The following SETD5 variants were observed in gnomAD, a reference collection of about 807,000 sequenced individuals.
The protein encoded by SETD5 is histone-lysine N-methyltransferase SETD5.
Under a neutral mutation model 153.3 loss-of-function variants are expected in SETD5, and 44 were observed. That is an observed-to-expected ratio of 0.29 (90% CI 0.23 to 0.37). SETD5 has a LOEUF of 0.37. Among genes scored for constraint, SETD5 ranks in the 10% least tolerant of loss-of-function variants. SETD5 has a pLI of 1.00. For synonymous variants in SETD5, 716 were observed against 645.2 expected (o/e 1.11, Z -1.66); for missense variants, 1,544 against 1,768.0 (o/e 0.87, Z 2.27).
intron 13 of SETD5, 144 bp from the exon 14 acceptor site, chr3:9,446,906 A>G: frequency 3.3e-6 from 2 of 606,368 alleles, no homozygotes; most frequent in South Asian, 4.9e-5. Flanking sequence ...TTTTATTTTT[A>G]ATCTTCTGTT....
At chr3:9,420,748 A>G (rs1382064341) in intron 1 of SETD5, among the ~76,000 whole-genome samples, 2 of 152,108 alleles carry the variant, frequency 1.3e-5, no homozygotes, top group African/African-American at 4.8e-5. Flanking sequence ...TTTTCACTGT[A>G]TCTCCAAGTG....
At chr3:9,444,047 G>A (rs151077467) in intron 11 of SETD5, among the ~76,000 whole-genome samples, 139 of 152,166 alleles carry the variant, frequency 9.1e-4, no homozygotes, top group African/African-American at 3.2e-3. Context: ...GGCAACAGAG[G>A]GAGACTCTGT....
In SETD5 at chr3:9,445,711, G is replaced by T. The variant is rs777715927; in HGVS notation, c.1495G>T (p.Asp499Tyr). ...PEEEKEEVID[D>Y]QENLAHSRRT... ...AGAAGAGAAAGAAGAGGTTATAGAT[G>T]ACCAGGAGAACCTAGCTCATAGCAG... Residue 499 changes from aspartate to tyrosine, a missense_variant, in exon 13 of 23, where the codon GAC (aspartate) becomes TAC (tyrosine). Around this residue, in one of 9 missense-constraint regions of SETD5, gnomAD observed 782 missense variants for 787.2 expected, o/e 0.99. Coordinates refer to ENST00000402198, the MANE Select transcript of SETD5 (RefSeq NM_001080517.3). The T allele has an allele frequency of 9.9e-6, 16 of 1,613,016 alleles. No homozygotes were observed. The highest frequency in any genetic ancestry group is 1.4e-5 in the Non-Finnish European group (16 of 1,179,546).
chr3:9,432,641 T>C (rs1440551029), intron 3 of SETD5, among the ~76,000 whole-genome samples: 2 of 152,232 alleles, frequency 1.3e-5, no homozygotes, highest in African/African-American at 4.8e-5. Context: ...CCCTTCAGTA[T>C]TCCCTAAAAC....
At chr3:9,453,703 AATT>A (rs1223940537) in intron 16 of SETD5, 33 bp from the exon 17 acceptor site, 1 of 1,552,854 alleles carries the variant, frequency 6.4e-7, no homozygotes, top group South Asian at 1.2e-5. Context: ...AGTTTTAGAT[AATT>A]ATTGATAATT....
chr3:9,445,965 G>GGTTTTTTTTTTTTTTTTT (rs2041907619), intron 13 of SETD5, among the ~76,000 whole-genome samples: 1 of 86,476 alleles, frequency 1.2e-5, no homozygotes, highest in African/African-American at 4.7e-5. Flanking sequence ...TGAAGAGGTT[G>GGTTTTTTTTTTTTTTTTT]TTTTTTTTTT....
In SETD5 at chr3:9,410,677, C is replaced by T. The variant is rs567836656; in HGVS notation, c.-177+12700C>T. The stretch of plus-strand genomic sequence containing the variant: ...ATGAATTTTCAGAGTGATGTTTTGT[C>T]GATACTTCCCCTTTTAGCAGAAGAA... On this transcript the variant is annotated intron_variant, in intron 1 of 22. Coordinates refer to ENST00000402198, the MANE Select transcript of SETD5 (RefSeq NM_001080517.3). 5.3e-5 allele frequency among the ~76,000 whole-genome samples: 8 copies of T among 152,166 alleles called. No individual in the cohort carries two copies. In the South Asian group the frequency reaches 1.0e-3, roughly 20 times the overall value.
rs2033906155 is a variant in SETD5, at chr3:9,397,741, A to T, written c.-413A>T. 2 of 168,202 alleles carry T rather than the reference A, an allele frequency of 1.2e-5. No individual in the cohort carries two copies. The highest frequency in any genetic ancestry group is 2.4e-5 in the Non-Finnish European group (2 of 81,882). 10.4% of individuals were successfully genotyped at this position (168,202 alleles called of 1,614,324 possible). A position where few individuals can be genotyped will look rare whatever the true frequency, so the allele number is the denominator to read the frequency against. On this transcript the variant is annotated 5_prime_UTR_variant, in exon 1 of 23. Coordinates refer to ENST00000402198, the MANE Select transcript of SETD5 (RefSeq NM_001080517.3). ...TGCGCTCAGAGACTCACGCAGCCCCAGTCCCGCCAGTCCGCCAACACAGTA... is the reference window on the plus strand; with the variant it reads ...TGCGCTCAGAGACTCACGCAGCCCCTGTCCCGCCAGTCCGCCAACACAGTA...
chr3:9,459,714 C>CA (rs386395917), intron 17 of SETD5, among the ~76,000 whole-genome samples: 12,976 of 78,110 alleles, frequency 0.17, 1,116 homozygotes, highest in African/African-American at 0.31. Flanking sequence ...GAGACTCCAT[C>CA]AAAAAAAAAA....
chr3:9,436,508 T>C (rs1034833383), intron 7 of SETD5, among the ~76,000 whole-genome samples: 1 of 152,230 alleles, frequency 6.6e-6, no homozygotes. Flanking sequence ...CTTTGTTTCC[T>C]TCTTAGTTTC....
At position 9,475,843 on chromosome 3, in the gene SETD5, G is replaced by A; in HGVS notation, c.4081G>A (p.Val1361Ile). ...CTCAGACTCGCCAACCTCAGATTCA[G>A]TTTCTCAGTCCAGCACAGGAACTCT... Reference protein sequence around the residue: ...GPSDSPTSDSVSQSSTGTLSS... With the variant: ...GPSDSPTSDSISQSSTGTLSS... The change falls in exon 23 of 23, where the codon GTT becomes ATT. Residue 1361 changes from valine to isoleucine, a missense_variant. By Grantham distance (29) the Val-to-Ile change is conservative (BLOSUM62 3). Around this residue, in one of 9 missense-constraint regions of SETD5, gnomAD observed 302 missense variants for 277.6 expected, o/e 1.09. Coordinates refer to ENST00000402198, the MANE Select transcript of SETD5 (RefSeq NM_001080517.3). 1 of 1,614,026 alleles carries A rather than the reference G, an allele frequency of 6.2e-7. No individual in the cohort carries two copies. Among genetic ancestry groups the A allele is most frequent in the South Asian group, 1.1e-5 (1 of 91,088 alleles).
chr3:9,455,160 C>CT (rs1022132998), intron 17 of SETD5, among the ~76,000 whole-genome samples: 3 of 115,464 alleles, frequency 2.6e-5, no homozygotes, highest in South Asian at 2.8e-4. Context: ...GCCTTTTTTT[C>CT]TTTTTTTCTT....
intron 16 of SETD5, among the ~76,000 whole-genome samples, chr3:9,452,171 C>T (rs1249536407): frequency 6.6e-6 from 1 of 152,126 alleles, no homozygotes; most frequent in Non-Finnish European, 1.5e-5. Context: ...TTGTAGTCAT[C>T]AGATCCAGAA....
rs1226313778 is a variant in SETD5, at chr3:9,475,482, G to A, written c.3721-1G>A. On this transcript the variant is annotated splice_acceptor_variant, in intron 22 of 22. Coordinates refer to ENST00000402198, the MANE Select transcript of SETD5 (RefSeq NM_001080517.3). LOFTEE classifies it high-confidence loss of function. ...ATTCGTTTCCTCCCAACTTTGTCTAGCTCCTGCAGTGTGATAGTCCTCGGA... is the reference window on the plus strand; with the variant it reads ...ATTCGTTTCCTCCCAACTTTGTCTAACTCCTGCAGTGTGATAGTCCTCGGA... The A allele has an allele frequency of 1.9e-6, 3 of 1,605,320 alleles. No homozygotes were observed. The highest frequency in any genetic ancestry group is 1.3e-5 in the African/African-American group (1 of 74,788).
At chr3:9,442,093 G>A (rs756141782) in intron 9 of SETD5, 35 bp from the exon 10 acceptor site, 3 of 1,436,764 alleles carry the variant, frequency 2.1e-6, no homozygotes, top group East Asian at 2.3e-5. Flanking sequence ...TCTTATTTGT[G>A]TTGAGAATTA....
At chr3:9,457,872 T>C (rs1377824007) in intron 17 of SETD5, among the ~76,000 whole-genome samples, 4 of 151,596 alleles carry the variant, frequency 2.6e-5, no homozygotes, top group Non-Finnish European at 5.9e-5. Flanking sequence ...CCCATGAAAC[T>C]GCCTTGTTTT....
intron 1 of SETD5, chr3:9,398,211 C>G (rs562998429): frequency 3.9e-5 from 6 of 151,932 alleles, no homozygotes; most frequent in Non-Finnish European, 8.8e-5. Flanking sequence ...CCCAACTCCC[C>G]CTTTCATGTT....
intron 11 of SETD5, 53 bp from the exon 12 acceptor site, chr3:9,444,995 A>T: frequency 1.9e-6 from 3 of 1,579,672 alleles, no homozygotes; most frequent in Non-Finnish European, 2.6e-6. Flanking sequence ...TGGATAATGT[A>T]ACTGAATTTC....
rs1274718126 is a variant in SETD5, at chr3:9,430,282, C to CTTT, written c.71+1275_71+1276insTTT. On this transcript the variant is annotated intron_variant, in intron 3 of 22. Transcript: ENST00000402198. ...TTACTGAGTTCCTTAAAGAGGAAGA[C>CTTT]TTAAAGCTACCCTGAGAAATAGTAT... 16 of 984,616 alleles carry CTTT rather than the reference C, an allele frequency of 1.6e-5. No homozygotes were observed. The East Asian group carries it at 1.2e-3, about 77-fold the overall frequency. 61.0% of individuals were successfully genotyped at this position (984,616 alleles called of 1,614,324 possible).
Sources: gnomAD v4.1 joint callset for allele counts (sites outside exome capture counted in the v4.1 genomes callset) on GRCh38, gnomAD v4.1.1 for gene constraint, gnomAD v4.1.1 regional missense constraint, MANE v1.5 for transcripts, NCBI Gene and HGNC (gene_info 2026-07-23, HGNC 2026-07-21) for gene names.